PEX5: variants seen among roughly 807,000 people sequenced by gnomAD.
PEX5 encodes the protein PTS1 receptor.
Under a neutral mutation model 82.9 loss-of-function variants are expected in PEX5, and 52 were observed. That is an observed-to-expected ratio of 0.63 (90% CI 0.50 to 0.79). PEX5 has a LOEUF of 0.79. Among genes scored for constraint, PEX5 ranks in the 30% least tolerant of loss-of-function variants. The pLI is 0.00. For missense variants in PEX5, 719 were observed against 815.2 expected, an observed-to-expected ratio of 0.88 and a Z score of 1.44; for synonymous variants, 300 against 318.8, an observed-to-expected ratio of 0.94 and a Z score of 0.63.
chr12:7,212,102 A>C (rs78876669), downstream of PEX5, among the ~76,000 whole-genome samples: 3 of 151,554 alleles, frequency 2.0e-5, no homozygotes, highest in East Asian at 5.8e-4. Flanking sequence ...AGTAGATGGG[A>C]TTACAGGCAT....
intron 5 of PEX5, among the ~76,000 whole-genome samples, chr12:7,196,578 A>G (rs1160557878): frequency 4.8e-5 from 1 of 21,038 alleles, no homozygotes; most frequent in Non-Finnish European, 1.1e-4. Context: ...TAATGTAATA[A>G]TTATATATGT....
chr12:7,197,758 C>G (rs976448510), intron 5 of PEX5, among the ~76,000 whole-genome samples: 2 of 152,018 alleles, frequency 1.3e-5, no homozygotes. Context: ...GTGGTCAGAT[C>G]TTGAAACTGG....
intron 1 of PEX5, 24 bp from the exon 2 acceptor site, chr12:7,190,338 T>A (rs2135874625): frequency 6.2e-7 from 1 of 1,613,190 alleles, no homozygotes; most frequent in South Asian, 1.1e-5. Flanking sequence ...GGTACCTCAG[T>A]TCCAAACCTC....
intron 10 of PEX5, among the ~76,000 whole-genome samples, chr12:7,205,180 TTAAAAG>T (rs1232884356): frequency 6.6e-6 from 1 of 151,972 alleles, no homozygotes. Flanking sequence ...ATTAAAAACT[TTAAAAG>T]TATGTTTGTA....
intron 9 of PEX5, 51 bp downstream of exon 9, chr12:7,202,755 GA>G: frequency 8.4e-7 from 1 of 1,196,796 alleles, no homozygotes; most frequent in East Asian, 2.3e-5. Context: ...ACACTCCTTG[GA>G]GTGAGTGGGT....
At chr12:7,207,571 C>A in intron 10 of PEX5, 88 bp from the exon 11 acceptor site, 1 of 1,370,738 alleles carries the variant, frequency 7.3e-7, no homozygotes, top group Non-Finnish European at 1.0e-6. Context: ...AGGCCCTCAG[C>A]TTCTCTGCCT....
At chr12:7,202,418 G>T (rs1405790309) in intron 8 of PEX5, 67 bp downstream of exon 8, 2 of 1,586,390 alleles carry the variant, frequency 1.3e-6, no homozygotes, top group East Asian at 4.5e-5. Context: ...GGGTTCAGTG[G>T]TCAGTGGTCC....
At position 7,211,347 on chromosome 12, in the gene PEX5, A is replaced by AT. The variant is rs11448434; in HGVS notation, c.*1134dup. On this transcript the variant is annotated 3_prime_UTR_variant, in exon 16 of 16. Coordinates refer to ENST00000675855, the MANE Select transcript of PEX5 (RefSeq NM_001351132.2). ...TCTTTAGTAGCTAATGATCAGAGAG[A>AT]TTTTTTTTTTAAACTACCATGGTCC... 0.32 allele frequency: 48,887 copies of AT among 150,944 alleles called. 8,523 individuals carry two copies. Among genetic ancestry groups the AT allele is most frequent in the African/African-American group, 0.44 (18,251 of 41,138 alleles). The allele number at this position is 150,944 out of a possible 1,614,324, so 9.4% of individuals were successfully genotyped here. A position where few individuals can be genotyped will look rare whatever the true frequency, so the allele number is the denominator to read the frequency against.
At chr12:7,202,586 G>A (rs1025802271) in intron 8 of PEX5, 26 bp from the exon 9 acceptor site, 2 of 1,599,236 alleles carry the variant, frequency 1.3e-6, no homozygotes, top group African/African-American at 2.7e-5. Context: ...GGTGGTAGTG[G>A]TACTGACCAT....
chr12:7,197,395 T>C (rs1942864198), intron 5 of PEX5, among the ~76,000 whole-genome samples: 1 of 48,792 alleles, frequency 2.0e-5, no homozygotes, highest in Admixed American at 2.1e-4. Flanking sequence ...GTAATAATTA[T>C]ATATATGTCA....
rs1463267047 is a variant in PEX5, at chr12:7,200,638, G to A, written c.552-1113G>A. Among the ~76,000 whole-genome samples the A allele has an allele frequency of 3.3e-5, 5 of 152,180 alleles. No individual in the cohort carries two copies. The East Asian group carries it at 5.8e-4, about 18-fold the overall frequency. On this transcript the variant is annotated intron_variant, in intron 6 of 15. Coordinates refer to ENST00000675855, the MANE Select transcript of PEX5 (RefSeq NM_001351132.2). Reference sequence around the variant, plus strand: ...TGAACGAGACTCCGTCTGCAATCCCGGCACCTCGGGAGGCCGAGGCTGGCG... The same window carrying A: ...TGAACGAGACTCCGTCTGCAATCCCAGCACCTCGGGAGGCCGAGGCTGGCG...
intron 12 of PEX5, 53 bp from the exon 13 acceptor site, chr12:7,208,404 G>C (rs1945086728): frequency 7.3e-7 from 1 of 1,378,712 alleles, no homozygotes. Flanking sequence ...GTGCTCACAT[G>C]TGCCAGTGTC....
downstream of PEX5, among the ~76,000 whole-genome samples, chr12:7,214,085 C>T (rs867172166): frequency 3.9e-5 from 6 of 152,026 alleles, no homozygotes; most frequent in South Asian, 1.0e-3. Context: ...AGGTGCTGGA[C>T]AGGATGTGGA....
intron 14 of PEX5, 125 bp from the exon 15 acceptor site, chr12:7,209,558 A>G (rs1316715943): frequency 2.8e-5 from 7 of 251,130 alleles, no homozygotes; most frequent in African/African-American, 2.1e-4. Context: ...GGGACGAAAC[A>G]TGTTAGCTAA....
chr12:7,189,823 G>A (rs939094488), intron 1 of PEX5, 73 bp downstream of exon 1: 6 of 1,014,738 alleles, frequency 5.9e-6, no homozygotes, highest in Non-Finnish European at 7.9e-6. Flanking sequence ...GGCCTCGCGG[G>A]TCCCAGGGGC....
In PEX5 at chr12:7,191,682, T is replaced by G. The variant is rs1555173051; in HGVS notation, c.430T>G (p.Phe144Val). Reference sequence around the variant, plus strand: ...TAATGAGACTGACTGGTCCCAAGAATTCATCTCTGAAGTTACAGGTGAAAC... The same window carrying G: ...TAATGAGACTGACTGGTCCCAAGAAGTCATCTCTGAAGTTACAGGTGAAAC... ...DYNETDWSQE[F>V]ISEVTDPLSV... Residue 144 changes from phenylalanine (F) to valine (V), a missense_variant, in exon 5 of 16, where the codon TTC becomes GTC. Phe to Val is a conservative substitution (Grantham distance 50, BLOSUM62 -1). Coordinates refer to ENST00000675855, the MANE Select transcript of PEX5 (RefSeq NM_001351132.2). 1.2e-6 allele frequency: 2 copies of G among 1,613,936 alleles called. No homozygotes were observed. Among genetic ancestry groups the G allele is most frequent in the Non-Finnish European group, 1.7e-6 (2 of 1,179,798 alleles).
chr12:7,193,234 C>CTTTTTTTTTTTT (rs11339507), intron 5 of PEX5, among the ~76,000 whole-genome samples: 14 of 121,120 alleles, frequency 1.2e-4, no homozygotes, highest in African/African-American at 3.5e-4. Flanking sequence ...TCTTGAGATT[C>CTTTTTTTTTTTT]TTTTTTTTTT....
At chr12:7,217,378 C>T (rs913373316) in intron 17 of PEX5, among the ~76,000 whole-genome samples, 1 of 152,186 alleles carries the variant, frequency 6.6e-6, no homozygotes, top group Non-Finnish European at 1.5e-5. Context: ...GGCGCTTCTT[C>T]GCTGTACTCA....
chr12:7,190,940 C>CT lies in PEX5; in HGVS notation c.183+21dup. 6.2e-7 allele frequency: 1 copy of CT among 1,608,600 alleles called. No homozygotes were observed. The highest frequency in any genetic ancestry group is 1.1e-5 in the South Asian group (1 of 90,968). ...GAAGATGAGGTAAATAGACCAGTCT[C>CT]TTTTCTGTCCCATTTTTCTCTTGCC... On this transcript the variant is annotated intron_variant, in intron 3 of 15. Transcript: ENST00000675855.
Sources: gnomAD v4.1 joint callset for allele counts (sites outside exome capture counted in the v4.1 genomes callset) on GRCh38, gnomAD v4.1.1 for gene constraint, MANE v1.5 for transcripts, NCBI Gene and HGNC (gene_info 2026-07-23, HGNC 2026-07-21) for gene names.